FAM76B: variants seen among roughly 807,000 people sequenced by gnomAD.
The protein encoded by FAM76B is family with sequence similarity 76 member B.
Under a neutral mutation model 51.8 loss-of-function variants are expected in FAM76B, and 16 were observed. The ratio of observed to expected loss-of-function variants is 0.31; its 90% CI spans 0.21 to 0.47. The LOEUF is 0.47. Ranked by LOEUF, FAM76B falls within the 20% of genes least tolerant of loss-of-function variation. FAM76B has a pLI of 1.00. For missense variants in FAM76B, 342 were observed against 392.6 expected (o/e 0.87, Z 1.09); for synonymous variants, 166 against 129.5 (o/e 1.28, Z -1.91).
chr11:95,788,424 TG>T, intron 2 of FAM76B, 74 bp downstream of exon 2: 2 of 1,182,194 alleles, frequency 1.7e-6, no homozygotes, highest in Non-Finnish European at 2.5e-6. Flanking sequence ...CATAAAAACA[TG>T]GGATTACAAC....
At chr11:95,787,520 G>T (rs537001371) in intron 3 of FAM76B, 104 bp downstream of exon 3, 10 of 1,113,434 alleles carry the variant, frequency 9.0e-6, no homozygotes, top group Non-Finnish European at 1.3e-5. Flanking sequence ...GATTACAGGC[G>T]TGAGCCACTG....
At chr11:95,779,745 T>C (rs1334671053) in intron 6 of FAM76B, 58 bp from the exon 7 acceptor site, 1 of 1,582,528 alleles carries the variant, frequency 6.3e-7, no homozygotes, top group African/African-American at 1.4e-5. Flanking sequence ...AACCAAATGA[T>C]AAGTTATTCA....
intron 8 of FAM76B, among the ~76,000 whole-genome samples, chr11:95,776,791 T>G (rs1320877887): frequency 6.6e-6 from 1 of 151,346 alleles, no homozygotes; most frequent in African/African-American, 2.4e-5. Context: ...CAGAGGGAAC[T>G]CCAGGTTATT....
At chr11:95,771,708 T>C in intron 9 of FAM76B, 58 bp from the exon 10 acceptor site, 1 of 1,293,382 alleles carries the variant, frequency 7.7e-7, no homozygotes. Context: ...TAAGTCATGC[T>C]GAAGAATACT....
intron 7 of FAM76B, 47 bp from the exon 8 acceptor site, chr11:95,779,004 T>C (rs1419654673): frequency 1.2e-6 from 2 of 1,600,848 alleles, no homozygotes; most frequent in Non-Finnish European, 1.7e-6. Flanking sequence ...AGAAGGAAAA[T>C]TAGCAGGTGT....
Position 95,789,372 on chromosome 11 carries a change from G to A in FAM76B, c.87+20C>T, listed in dbSNP as rs1242106168. ...ACGGCCGAGGACACCCATCCCGCCCGCCTCCCGGAGCCCACGGACCTTGCA... is the reference window on the plus strand; with the variant it reads ...ACGGCCGAGGACACCCATCCCGCCCACCTCCCGGAGCCCACGGACCTTGCA... On this transcript the variant is annotated intron_variant, in intron 1 of 9. Coordinates refer to ENST00000358780, the MANE Select transcript of FAM76B (RefSeq NM_144664.5). 1.9e-6 allele frequency: 3 copies of A among 1,576,670 alleles called. No homozygotes were observed. The highest frequency in any genetic ancestry group is 2.6e-6 in the Non-Finnish European group (3 of 1,161,332).
At chr11:95,787,780 T>TA in intron 2 of FAM76B, 102 bp from the exon 3 acceptor site, 1 of 981,132 alleles carries the variant, frequency 1.0e-6, no homozygotes. Flanking sequence ...ACTTAAAACT[T>TA]TAATAAGGAC....
At chr11:95,781,656 G>A (rs563309052) in intron 5 of FAM76B, among the ~76,000 whole-genome samples, 131 of 152,166 alleles carry the variant, frequency 8.6e-4, no homozygotes, top group African/African-American at 3.0e-3. Context: ...ATGCTATTAT[G>A]GTATATAGTC....
chr11:95,789,571 C>T lies in FAM76B; in HGVS notation c.-93G>A, dbSNP rs1220493539. 1.7e-6 allele frequency: 2 copies of T among 1,152,040 alleles called. No homozygotes were observed. Among genetic ancestry groups the T allele is most frequent in the Non-Finnish European group, 2.4e-6 (2 of 817,866 alleles). 71.4% of individuals were successfully genotyped at this position (1,152,040 alleles called of 1,614,324 possible). ...CCGCCGCCGCCCGGGCCGCGGGCTC[C>T]TCCTCCTCCCCCTCCCCCTGCCTCG... On this transcript the variant is annotated 5_prime_UTR_variant, in exon 1 of 10. Coordinates refer to ENST00000358780, the MANE Select transcript of FAM76B (RefSeq NM_144664.5).
chr11:95,789,046 G>A (rs1203234248), intron 1 of FAM76B: 20 of 1,380,462 alleles, frequency 1.4e-5, no homozygotes, highest in African/African-American at 2.9e-5. Flanking sequence ...GAAGAGGACA[G>A]ACCAGGCAGA....
At chr11:95,785,941 G>A (rs1041449223) in intron 4 of FAM76B, among the ~76,000 whole-genome samples, 178 bp downstream of exon 4, 1 of 152,168 alleles carries the variant, frequency 6.6e-6, no homozygotes, top group African/African-American at 2.4e-5. Context: ...TATAGTACAT[G>A]AATCTATGTA....
In FAM76B at chr11:95,770,143, T is replaced by C. The variant is rs1269789163; in HGVS notation, c.*1418A>G. 6.6e-6 allele frequency: 1 copy of C among 151,570 alleles called. No homozygotes were observed. Among genetic ancestry groups the C allele is most frequent in the Non-Finnish European group, 1.5e-5 (1 of 67,576 alleles). The allele number at this position is 151,570 out of a possible 1,614,324, so 9.4% of individuals were successfully genotyped here. ...CTCTATACAGTGTATCTAGCAATAC[T>C]TTAAAATCAAACTAAAACTCTGAAC... On this transcript the variant is annotated 3_prime_UTR_variant, in exon 10 of 10. Transcript: ENST00000358780.
chr11:95,789,649 G>T lies in FAM76B; in HGVS notation c.-171C>A. On this transcript the variant is annotated 5_prime_UTR_variant, in exon 1 of 10. Coordinates refer to ENST00000358780, the MANE Select transcript of FAM76B (RefSeq NM_144664.5). ...CCAGGGCCCCGCGGACGACGCCACC[G>T]TCTCCCTCCGCCTCCACTTCCGCCC... 1.9e-6 allele frequency: 1 copy of T among 535,242 alleles called. No individual in the cohort carries two copies. The highest frequency in any genetic ancestry group is 3.4e-5 in the East Asian group (1 of 29,146). 33.2% of individuals were successfully genotyped at this position (535,242 alleles called of 1,614,324 possible). A position where few individuals can be genotyped will look rare whatever the true frequency, so the allele number is the denominator to read the frequency against.
At position 95,779,897 on chromosome 11, in the gene FAM76B, T is replaced by G. The variant is rs765164361; in HGVS notation, c.593A>C (p.Gln198Pro). Reference protein sequence around the residue: ...KISNLSPEEEQGLWKQSHKSS... With the variant: ...KISNLSPEEEPGLWKQSHKSS... ...TATTTACCTCTGTTTCCACAGTCCC[T>G]GCTCTTCTTCTGGACTTAGATTGCT... Residue 198 changes from glutamine (Q) to proline (P), a missense_variant, in exon 6 of 10, where the codon CAG (glutamine) becomes CCG (proline). Gln to Pro is a moderately conservative substitution (Grantham distance 76). Coordinates refer to ENST00000358780, the MANE Select transcript of FAM76B (RefSeq NM_144664.5). 10 of 1,606,000 alleles carry G rather than the reference T, an allele frequency of 6.2e-6. No homozygotes were observed. The Admixed American group carries it at 1.2e-4, about 19-fold the overall frequency.
rs751721160 is a variant in FAM76B at position 95,770,145 on chromosome 11, T to G, written c.*1416A>C. The G allele has an allele frequency of 1.3e-5, 2 of 151,578 alleles. No individual in the cohort carries two copies. Among genetic ancestry groups the G allele is most frequent in the Non-Finnish European group, 3.0e-5 (2 of 67,594 alleles). The allele number at this position is 151,578 out of a possible 1,614,324, so 9.4% of individuals were successfully genotyped here. ...CTATACAGTGTATCTAGCAATACTT[T>G]AAAATCAAACTAAAACTCTGAACTG... is the stretch of plus-strand genomic sequence containing the variant. On this transcript the variant is annotated 3_prime_UTR_variant, in exon 10 of 10. Transcript: ENST00000358780.
chr11:95,777,029 A>C (rs1184722319), intron 8 of FAM76B, among the ~76,000 whole-genome samples: 6 of 151,312 alleles, frequency 4.0e-5, no homozygotes, highest in Non-Finnish European at 8.9e-5. Context: ...CTGAAATGCC[A>C]ACATACACCA....
At chr11:95,777,748 C>A (rs1158233208) in intron 8 of FAM76B, among the ~76,000 whole-genome samples, 2 of 151,326 alleles carry the variant, frequency 1.3e-5, no homozygotes, top group Admixed American at 1.3e-4. Context: ...CAAAATGTAT[C>A]AAAAATTACT....
At chr11:95,773,304 G>A (rs990027604) in intron 9 of FAM76B, among the ~76,000 whole-genome samples, 5 of 150,538 alleles carry the variant, frequency 3.3e-5, no homozygotes, top group African/African-American at 1.2e-4. Flanking sequence ...AATTACATAA[G>A]ACAAAAGTCT....
chr11:95,788,588 A>G, intron 1 of FAM76B, 25 bp from the exon 2 acceptor site: 1 of 1,593,496 alleles, frequency 6.3e-7, no homozygotes. Context: ...TACATTAGTC[A>G]GTATCTTTCT....
Sources: allele counts gnomAD v4.1 joint callset (sites outside exome capture counted in the v4.1 genomes callset), GRCh38; gene constraint gnomAD v4.1.1; transcripts MANE v1.5; gene names NCBI Gene and HGNC (gene_info 2026-07-23, HGNC 2026-07-21).